SLC34A1: variants seen among roughly 807,000 people sequenced by gnomAD.
SLC34A1 encodes solute carrier family 34 member 1, also known as sodium-dependent phosphate transport protein 2A.
SLC34A1 carries 57 observed loss-of-function variants against 51.4 expected under a neutral mutation model. The observed-to-expected ratio is 1.11, with a 90% CI of 0.90 to 1.38. The LOEUF (loss-of-function observed/expected upper bound fraction) is 1.38, where lower values mean the gene tolerates loss of function less well. Ranked by LOEUF, SLC34A1 falls within the 40% of genes most tolerant of loss-of-function variation. The pLI is 0.00. For synonymous variants in SLC34A1, 368 were observed against 358.0 expected (o/e 1.03, Z -0.32); for missense variants, 796 against 835.6 (o/e 0.95, Z 0.58).
chr5:177,398,645 G>T lies in SLC34A1; in HGVS notation c.*359G>T. 2.4e-6 allele frequency: 1 copy of T among 409,754 alleles called. No homozygotes were observed. Among genetic ancestry groups the T allele is most frequent in the Non-Finnish European group, 4.6e-6 (1 of 215,582 alleles). The allele number at this position is 409,754 out of a possible 1,614,324, so 25.4% of individuals were successfully genotyped here. On this transcript the variant is annotated 3_prime_UTR_variant, in exon 13 of 13. Coordinates refer to ENST00000324417, the MANE Select transcript of SLC34A1 (RefSeq NM_003052.5). The surrounding 1 kb of genome is among the most constrained non-coding windows in gnomAD (Gnocchi z 4.7). Reference sequence around the variant, plus strand: ...ACTAGGATAGGCAGGAGTAAGGGTGGGTCTGGGTATATGACTGTGCAGCTG... The same window carrying T: ...ACTAGGATAGGCAGGAGTAAGGGTGTGTCTGGGTATATGACTGTGCAGCTG...
chr5:177,389,932 G>GTCTCATTTCC, intron 8 of SLC34A1: 2 of 1,417,124 alleles, frequency 1.4e-6, no homozygotes, highest in Non-Finnish European at 1.8e-6. Flanking sequence ...GCAGGGCAGG[G>GTCTCATTTCC]TCTCATTTCC....
intron 8 of SLC34A1, chr5:177,389,971 A>AC (rs1234105156): frequency 2.9e-6 from 4 of 1,386,050 alleles, no homozygotes; most frequent in Non-Finnish European, 3.7e-6. Context: ...GGTGGGTGGG[A>AC]CCCAAGCTCT....
chr5:177,387,721 G>T, intron 5 of SLC34A1, 41 bp from the exon 6 acceptor site: 2 of 1,533,180 alleles, frequency 1.3e-6, no homozygotes, highest in Admixed American at 3.3e-5. Context: ...GCAGGAGCTG[G>T]GTGACCGTCA....
chr5:177,393,025 C>T (rs56168801), intron 8 of SLC34A1, among the ~76,000 whole-genome samples: 3,544 of 152,280 alleles, frequency 0.023, 63 homozygotes, highest in Non-Finnish European at 0.038. Context: ...TGATCAGGAG[C>T]TGAGTAGCTA....
At position 177,386,730 on chromosome 5, in the gene SLC34A1, CA is replaced by C. The variant is rs1762588583; in HGVS notation, c.532+165del. Among the ~76,000 whole-genome samples the C allele has an allele frequency of 6.6e-6, 1 of 152,132 alleles. No individual in the cohort carries two copies. Among genetic ancestry groups the C allele is most frequent in the South Asian group, 2.1e-4 (1 of 4,830 alleles). ...AGCCCAACTGTAGCTGTATGTGACC[CA>C]GATGATTTATGGCAAGGAACTGGCT... On this transcript the variant is annotated intron_variant, in intron 5 of 12. Transcript: ENST00000324417. The surrounding 1 kb of genome is among the most constrained non-coding windows in gnomAD (Gnocchi z 4.8).
At chr5:177,390,225 G>A in intron 8 of SLC34A1, 1 of 993,228 alleles carries the variant, frequency 1.0e-6, no homozygotes, top group African/African-American at 1.7e-5. Context: ...GCAAGTCCAA[G>A]GCCTACCAGA....
At position 177,388,005 on chromosome 5, in the gene SLC34A1, G is replaced by C. The variant is rs1297562210; in HGVS notation, c.656G>C (p.Gly219Ala). ...GCCTCCCTGCCCAGGGCCTTCGCGG[G>C]GGCCACGGTGCATGACTGCTTTAAC... ...DRTDFRRAFA[G>A]ATVHDCFNWL... is the part of the protein sequence containing the mutation. Residue 219 changes from glycine to alanine, a missense_variant, in exon 7 of 13, where the codon GGG becomes GCG. Gly to Ala is a moderately conservative substitution (Grantham distance 60). Transcript: ENST00000324417. The surrounding 1 kb of genome is among the most constrained non-coding windows in gnomAD (Gnocchi z 4.3). 3 of 1,612,876 alleles carry C rather than the reference G, an allele frequency of 1.9e-6. No homozygotes were observed. The highest frequency in any genetic ancestry group is 3.3e-5 in the Admixed American group (2 of 60,014).
Position 177,387,803 on chromosome 5 carries a change from A to G in SLC34A1, c.574A>G (p.Asn192Asp). The change falls in exon 6 of 13, where the codon AAC becomes GAC. Residue 192 changes from asparagine (N) to aspartate (D), a missense_variant. Coordinates refer to ENST00000324417, the MANE Select transcript of SLC34A1 (RefSeq NM_003052.5). ...SSAIPIIMGS[N>D]IGTSVTNTIV... ...TGCCATCCCCATCATCATGGGCTCC[A>G]ACATCGGCACCTCTGTCACCAACAC... 1 of 1,613,920 alleles carries G rather than the reference A, an allele frequency of 6.2e-7. No homozygotes were observed. The highest frequency in any genetic ancestry group is 8.5e-7 in the Non-Finnish European group (1 of 1,179,982).
rs1246556106 is a variant in SLC34A1, at chr5:177,389,688, A to C, written c.936+1316A>C. The stretch of plus-strand genomic sequence containing the variant: ...ACACACTTTGATCTTCGCAAAAAGC[A>C]AGCCATGGAAGACAGCTCTGTTCCT... On this transcript the variant is annotated intron_variant, in intron 8 of 12. Transcript: ENST00000324417. 11 of 1,537,158 alleles carry C rather than the reference A, an allele frequency of 7.2e-6. No individual in the cohort carries two copies. In the Admixed American group the frequency reaches 2.0e-4, roughly 27 times the overall value.
intron 8 of SLC34A1, among the ~76,000 whole-genome samples, chr5:177,392,328 T>A (rs1762834086): frequency 6.6e-6 from 1 of 152,120 alleles, no homozygotes; most frequent in Non-Finnish European, 1.5e-5. Context: ...CTGGGCGTGG[T>A]GGCAGGGGCC....
rs751457854 is a variant in SLC34A1 at position 177,386,179 on chromosome 5, C to A, written c.260-42C>A. 4 of 1,613,978 alleles carry A rather than the reference C, an allele frequency of 2.5e-6. No individual in the cohort carries two copies. The highest frequency in any genetic ancestry group is 3.4e-6 in the Non-Finnish European group (4 of 1,179,988). On this transcript the variant is annotated intron_variant, in intron 3 of 12. Transcript: ENST00000324417. This position sits in a 1 kb window ranked among gnomAD's most constrained non-coding sequence, Gnocchi z 4.8. ...GTGGCAGAGGCGGCAGCAGTCCCTG[C>A]CCTGGCCTCTGCCCACTATGCTCAT...
Position 177,388,247 on chromosome 5 carries a change from T to C in SLC34A1, c.841-30T>C. The C allele has an allele frequency of 4.3e-6, 7 of 1,613,986 alleles. No homozygotes were observed. Among genetic ancestry groups the C allele is most frequent in the Non-Finnish European group, 5.9e-6 (7 of 1,179,918 alleles). On this transcript the variant is annotated intron_variant, in intron 7 of 12. Transcript: ENST00000324417. The surrounding 1 kb of genome is among the most constrained non-coding windows in gnomAD (Gnocchi z 4.3). ...GGGGTAACAAGGGACCCAGCCTCCT[T>C]CACTCCCCCTGCCCACATCTTGCCC...
intron 8 of SLC34A1, chr5:177,390,349 T>C: frequency 2.0e-6 from 2 of 985,870 alleles, no homozygotes; most frequent in Non-Finnish European, 2.4e-6. Context: ...CTGTCAACTA[T>C]ACCTGCCTGG....
In SLC34A1 at chr5:177,396,907, A is replaced by C; in HGVS notation, c.1292-43A>C. The C allele has an allele frequency of 6.2e-7, 1 of 1,614,074 alleles. No homozygotes were observed. On this transcript the variant is annotated intron_variant, in intron 11 of 12. Coordinates refer to ENST00000324417, the MANE Select transcript of SLC34A1 (RefSeq NM_003052.5). The surrounding 1 kb of genome is among the most constrained non-coding windows in gnomAD (Gnocchi z 4.0). ...GCCAGGGCTGGCAGGGAAAGGGCCG[A>C]AGGAGACGCTGGGGGTCCCACTTCC...
At chr5:177,397,553 G>C in intron 12 of SLC34A1, 2 of 606,852 alleles carry the variant, frequency 3.3e-6, no homozygotes, top group Non-Finnish European at 2.9e-6. Flanking sequence ...GGGAAAATGT[G>C]GGGAGCTCAG....
intron 12 of SLC34A1, chr5:177,397,460 G>A: frequency 1.9e-6 from 1 of 515,816 alleles, no homozygotes. Flanking sequence ...CTGACTGAAT[G>A]AGGGTCCAGA....
chr5:177,394,036 A>T lies in SLC34A1; in HGVS notation c.1015A>T (p.Ile339Phe), dbSNP rs1762884636. ...GNATMEKCNH[I>F]FVDTGLPDLA... The stretch of plus-strand genomic sequence containing the variant: ...AGCTCCACCCCCTGCAGGCAACCAC[A>T]TCTTTGTGGACACTGGCCTACCGGA... Residue 339 changes from isoleucine (I) to phenylalanine (F), a missense_variant, in exon 10 of 13, where the codon ATC becomes TTC. By Grantham distance (21) the Ile-to-Phe change is conservative. Transcript: ENST00000324417. The T allele has an allele frequency of 2.5e-6, 4 of 1,614,018 alleles. No individual in the cohort carries two copies. Among genetic ancestry groups the T allele is most frequent in the Non-Finnish European group, 3.4e-6 (4 of 1,180,020 alleles).
rs904616723 is a variant in SLC34A1 at position 177,396,809 on chromosome 5, G to C, written c.1251G>C (p.Gln417His). The C allele has an allele frequency of 3.7e-6, 6 of 1,614,130 alleles. No individual in the cohort carries two copies. Among genetic ancestry groups the C allele is most frequent in the African/African-American group, 2.7e-5 (2 of 74,960 alleles). ...VVGASMTFVV[Q>H]SSSVFTSAIT... ...GCGCCAGCATGACCTTCGTGGTCCAGAGCAGTTCTGTGTTCACCTCGGCCA... is the reference window on the plus strand; with the variant it reads ...GCGCCAGCATGACCTTCGTGGTCCACAGCAGTTCTGTGTTCACCTCGGCCA... The change falls in exon 11 of 13, where the codon CAG (glutamine) becomes CAC (histidine). Residue 417 changes from glutamine (Q) to histidine (H), a missense_variant. Coordinates refer to ENST00000324417, the MANE Select transcript of SLC34A1 (RefSeq NM_003052.5). The surrounding 1 kb of genome is among the most constrained non-coding windows in gnomAD (Gnocchi z 4.0).
intron 8 of SLC34A1, chr5:177,389,901 T>C (rs1380752737): frequency 7.0e-6 from 10 of 1,435,158 alleles, no homozygotes; most frequent in Non-Finnish European, 5.5e-6. Flanking sequence ...TACCAGGAAA[T>C]GCTTTCCTTA....
Sources: allele counts gnomAD v4.1 joint callset (sites outside exome capture counted in the v4.1 genomes callset), GRCh38; gene constraint gnomAD v4.1.1; non-coding constraint Gnocchi (gnomAD v3.1); transcripts MANE v1.5; gene names NCBI Gene and HGNC (gene_info 2026-07-23, HGNC 2026-07-21).